VTA1: variants seen among roughly 807,000 people sequenced by gnomAD.
VTA1 encodes the protein vesicle trafficking 1.
Under a neutral mutation model 36.9 loss-of-function variants are expected in VTA1, and 24 were observed. That is an observed-to-expected ratio of 0.65 (90% CI 0.47 to 0.91). VTA1 has a LOEUF of 0.91. Ranked by LOEUF, VTA1 falls within the 40% of genes least tolerant of loss-of-function variation. The pLI is 0.00. For missense variants in VTA1, 393 were observed against 377.2 expected (o/e 1.04, Z -0.35); for synonymous variants, 142 against 130.2 (o/e 1.09, Z -0.62).
At chr6:142,178,285 T>G (rs1775163382) in intron 4 of VTA1, among the ~76,000 whole-genome samples, 1 of 152,016 alleles carries the variant, frequency 6.6e-6, no homozygotes, top group African/African-American at 2.4e-5. Flanking sequence ...AAATGACATA[T>G]TTAAAGGGCT....
chr6:142,158,919 G>A (rs1774713658), intron 1 of VTA1, among the ~76,000 whole-genome samples: 1 of 151,892 alleles, frequency 6.6e-6, no homozygotes, highest in African/African-American at 2.4e-5. Flanking sequence ...GCCTATAGTT[G>A]TCATACGTTG....
rs911277536 is a variant in VTA1, at chr6:142,183,713, C to T, written c.412-5713C>T. Reference sequence around the variant, plus strand: ...TAAAATATTGTTTAGTATCCAGCATCCTTTACATCCTTTATTTTAAAGAAA... The same window carrying T: ...TAAAATATTGTTTAGTATCCAGCATTCTTTACATCCTTTATTTTAAAGAAA... On this transcript the variant is annotated intron_variant, in intron 4 of 7. Transcript: ENST00000367630. 7.2e-5 allele frequency among the ~76,000 whole-genome samples: 11 copies of T among 152,192 alleles called. No homozygotes were observed. In the East Asian group the frequency reaches 2.1e-3, roughly 29 times the overall value.
At chr6:142,183,071 A>G (rs986779038) in intron 4 of VTA1, among the ~76,000 whole-genome samples, 23 of 152,186 alleles carry the variant, frequency 1.5e-4, no homozygotes, top group Admixed American at 6.5e-5. Flanking sequence ...GGGGTGGGAA[A>G]TAATCACCTG....
chr6:142,214,993 T>C (rs1456728004), intron 7 of VTA1, among the ~76,000 whole-genome samples: 1 of 152,230 alleles, frequency 6.6e-6, no homozygotes, highest in Non-Finnish European at 1.5e-5. Flanking sequence ...ATATGTGTGA[T>C]ATTAATGTAT....
chr6:142,188,529 C>T lies in VTA1; in HGVS notation c.412-897C>T, dbSNP rs373938370. 2.6e-5 allele frequency among the ~76,000 whole-genome samples: 4 copies of T among 152,202 alleles called. No individual in the cohort carries two copies. In the East Asian group the frequency reaches 5.8e-4, roughly 22 times the overall value. The stretch of plus-strand genomic sequence containing the variant: ...TGCCTGTTTTCAAATAGTAAAACCA[C>T]GTTCGCTCTGGAACGCTAATGTGCG... On this transcript the variant is annotated intron_variant, in intron 4 of 7. Transcript: ENST00000367630.
chr6:142,176,601 C>CT (rs10689552), intron 4 of VTA1, among the ~76,000 whole-genome samples: 8,987 of 138,518 alleles, frequency 0.065, 646 homozygotes, highest in African/African-American at 0.18. Flanking sequence ...AAGGTTCAGC[C>CT]TTTTTTTTTT....
Position 142,218,523 on chromosome 6 carries a change from C to T in VTA1, c.804C>T (p.Asp268=). 5 of 1,613,438 alleles carry T rather than the reference C, an allele frequency of 3.1e-6. No homozygotes were observed. The highest frequency in any genetic ancestry group is 4.2e-6 in the Non-Finnish European group (5 of 1,179,672). Residue 268 remains aspartate (D), a synonymous_variant, in exon 8 of 8, where the codon GAC becomes GAT. Transcript: ENST00000367630. ...GGGATGTTCGTCTAACCCCAGAAGA[C>T]TTTGCTAGAGCTCAGAAGTACTGCA... The part of the protein sequence containing the change: ...SQGDVRLTPE[D]FARAQKYCKY...
At chr6:142,187,649 G>A (rs532577031) in intron 4 of VTA1, among the ~76,000 whole-genome samples, 164 of 152,248 alleles carry the variant, frequency 1.1e-3, no homozygotes, top group African/African-American at 3.9e-3. Context: ...TTTGTGAAGT[G>A]GAGCAAAATG....
intron 1 of VTA1, among the ~76,000 whole-genome samples, chr6:142,162,058 T>C (rs1004681542): frequency 2.6e-5 from 4 of 152,056 alleles, no homozygotes; most frequent in African/African-American, 9.7e-5. Flanking sequence ...GCACACAAAC[T>C]AAGAAAAAAA....
intron 6 of VTA1, among the ~76,000 whole-genome samples, chr6:142,201,482 T>G (rs1023908468): frequency 6.6e-6 from 1 of 151,996 alleles, no homozygotes; most frequent in African/African-American, 2.4e-5. Flanking sequence ...CTTCTTGTGC[T>G]TTCAACACTG....
At chr6:142,157,657 C>T (rs1778687414) in intron 1 of VTA1, among the ~76,000 whole-genome samples, 1 of 151,882 alleles carries the variant, frequency 6.6e-6, no homozygotes, top group Non-Finnish European at 1.5e-5. Context: ...TAAGGTTTGT[C>T]TTCTATGACA....
At chr6:142,156,023 A>G (rs1474498615) in intron 1 of VTA1, among the ~76,000 whole-genome samples, 2 of 152,196 alleles carry the variant, frequency 1.3e-5, no homozygotes, top group Non-Finnish European at 2.9e-5. Context: ...TGTTAGCCAA[A>G]TTGACCTGAA....
chr6:142,165,554 G>A (rs1774896094), intron 1 of VTA1, among the ~76,000 whole-genome samples: 2 of 152,134 alleles, frequency 1.3e-5, no homozygotes, highest in South Asian at 4.1e-4. Flanking sequence ...TAGAACATTA[G>A]CACTGACACA....
rs938247991 is a variant in VTA1 at position 142,174,282 on chromosome 6, C to T, written c.411+3861C>T. ...AGGCCACCACTTGTACCAGTGTTCCCTGGATGCTGGTCATGGAGTCAAGGA... is the reference window on the plus strand; with the variant it reads ...AGGCCACCACTTGTACCAGTGTTCCTTGGATGCTGGTCATGGAGTCAAGGA... On this transcript the variant is annotated intron_variant, in intron 4 of 7. Transcript: ENST00000367630. Among the ~76,000 whole-genome samples the T allele has an allele frequency of 2.6e-5, 4 of 152,212 alleles. No individual in the cohort carries two copies. In the East Asian group the frequency reaches 7.7e-4, roughly 29 times the overall value.
At chr6:142,148,308 G>C (rs924605923) in intron 1 of VTA1, among the ~76,000 whole-genome samples, 8 of 152,164 alleles carry the variant, frequency 5.3e-5, no homozygotes, top group African/African-American at 1.9e-4. Context: ...TCTCAAATGT[G>C]CAAGGCCTTT....
intron 4 of VTA1, among the ~76,000 whole-genome samples, chr6:142,188,297 G>A (rs1428074412): frequency 6.0e-5 from 8 of 133,058 alleles, no homozygotes; most frequent in African/African-American, 2.3e-4. Flanking sequence ...GTGCAGTGGC[G>A]TCTGCCTCCT....
intron 6 of VTA1, among the ~76,000 whole-genome samples, chr6:142,202,980 A>G (rs542599614): frequency 3.3e-5 from 5 of 152,116 alleles, no homozygotes; most frequent in African/African-American, 1.2e-4. Flanking sequence ...ATGTATATTT[A>G]AACCATTTTT....
chr6:142,171,974 A>G (rs1775035927), intron 4 of VTA1, among the ~76,000 whole-genome samples: 1 of 152,198 alleles, frequency 6.6e-6, no homozygotes, highest in African/African-American at 2.4e-5. Context: ...CCAGCATGAA[A>G]GTTGTACAGG....
At chr6:142,180,777 A>G (rs1385060227) in intron 4 of VTA1, among the ~76,000 whole-genome samples, 2 of 152,082 alleles carry the variant, frequency 1.3e-5, no homozygotes, top group African/African-American at 2.4e-5. Flanking sequence ...CCAAAAACGT[A>G]TAACCCGAAC....
Sources: allele counts gnomAD v4.1 joint callset (sites outside exome capture counted in the v4.1 genomes callset), GRCh38; gene constraint gnomAD v4.1.1; transcripts MANE v1.5; gene names NCBI Gene and HGNC (gene_info 2026-07-23, HGNC 2026-07-21).